The following TSPAN18 variants were observed in gnomAD, a reference collection of about 807,000 sequenced individuals.
TSPAN18 encodes the protein tetraspanin 18.
Under a neutral mutation model 27.3 loss-of-function variants are expected in TSPAN18, and 14 were observed. The ratio of observed to expected loss-of-function variants is 0.51; its 90% CI spans 0.34 to 0.80. The LOEUF (loss-of-function observed/expected upper bound fraction) is 0.80. Ranked by LOEUF, TSPAN18 falls within the 30% of genes least tolerant of loss-of-function variation. The pLI is 0.01. For missense variants in TSPAN18, 268 were observed against 323.9 expected, an observed-to-expected ratio of 0.83 and a Z score of 1.32; for synonymous variants, 143 against 136.5, an observed-to-expected ratio of 1.05 and a Z score of -0.33.
chr11:44,924,478 T>C (rs898973044), intron 8 of TSPAN18, among the ~76,000 whole-genome samples: 11 of 152,136 alleles, frequency 7.2e-5, no homozygotes, highest in African/African-American at 2.7e-4. Context: ...GATACCACTC[T>C]CCTGGGCCAT....
Position 44,929,180 on chromosome 11 carries a change from G to A in TSPAN18, c.*2G>A. 2 of 1,613,584 alleles carry A rather than the reference G, an allele frequency of 1.2e-6. No homozygotes were observed. The highest frequency in any genetic ancestry group is 1.3e-5 in the African/African-American group (1 of 75,042). On this transcript the variant is annotated 3_prime_UTR_variant, in exon 10 of 10. Coordinates refer to ENST00000520358, the MANE Select transcript of TSPAN18 (RefSeq NM_130783.5). ...TGCCTCTTCCGGGGCATCCAGTAGA[G>A]GGTATGGCCTGAAGCCTGAAGACTC...
intron 2 of TSPAN18, among the ~76,000 whole-genome samples, chr11:44,814,457 A>G (rs550977725): frequency 6.6e-6 from 1 of 152,330 alleles, no homozygotes; most frequent in East Asian, 1.9e-4. Flanking sequence ...GAAGGTTTCC[A>G]GCCACATGGT....
At chr11:44,823,609 C>T (rs778009800) in intron 2 of TSPAN18, among the ~76,000 whole-genome samples, 1 of 152,240 alleles carries the variant, frequency 6.6e-6, no homozygotes, top group East Asian at 1.9e-4. Flanking sequence ...GAGGAAAGCA[C>T]ACCAGACTGG....
At chr11:44,830,478 T>C (rs554372406) in intron 2 of TSPAN18, among the ~76,000 whole-genome samples, 4 of 152,346 alleles carry the variant, frequency 2.6e-5, no homozygotes, top group African/African-American at 9.6e-5. Context: ...TGGGCCAGTT[T>C]AGTTGGGCAG....
intron 3 of TSPAN18, among the ~76,000 whole-genome samples, chr11:44,883,891 G>T (rs1858562890): frequency 6.6e-6 from 1 of 152,210 alleles, no homozygotes; most frequent in Non-Finnish European, 1.5e-5. Flanking sequence ...TGTAAAATAG[G>T]CATAATAATT....
intron 1 of TSPAN18, among the ~76,000 whole-genome samples, chr11:44,730,773 G>C (rs913033390): frequency 2.6e-5 from 4 of 152,036 alleles, no homozygotes; most frequent in Non-Finnish European, 5.9e-5. Flanking sequence ...ACAGGTGTGT[G>C]CCACCACACC....
chr11:44,806,041 CT>C (rs34132755), intron 2 of TSPAN18, among the ~76,000 whole-genome samples: 10,235 of 134,446 alleles, frequency 0.076, 849 homozygotes, highest in East Asian at 0.43. Context: ...CTATTTTTTC[CT>C]TTTTTTTTTT....
intron 3 of TSPAN18, among the ~76,000 whole-genome samples, chr11:44,862,492 A>G (rs925396601): frequency 1.3e-5 from 2 of 152,152 alleles, no homozygotes; most frequent in Non-Finnish European, 2.9e-5. Flanking sequence ...ACCCTGCCTT[A>G]TATGGTGAGC....
chr11:44,789,822 G>A (rs538103301), intron 2 of TSPAN18, among the ~76,000 whole-genome samples: 12 of 152,262 alleles, frequency 7.9e-5, no homozygotes, highest in African/African-American at 2.4e-4. Flanking sequence ...TGTTCAAAAT[G>A]TATCTCCAGG....
intron 2 of TSPAN18, among the ~76,000 whole-genome samples, chr11:44,793,990 G>T (rs1486384697): frequency 6.6e-6 from 1 of 152,118 alleles, no homozygotes; most frequent in Non-Finnish European, 1.5e-5. Context: ...GGGGTGGGGG[G>T]AGTTAGGCGA....
chr11:44,895,304 C>G (rs1859002231), intron 3 of TSPAN18, among the ~76,000 whole-genome samples: 2 of 152,212 alleles, frequency 1.3e-5, no homozygotes, highest in Non-Finnish European at 2.9e-5. Flanking sequence ...ATATCTGATG[C>G]TGCTGATAAT....
At chr11:44,854,999 AG>A (rs1224374053) in intron 2 of TSPAN18, among the ~76,000 whole-genome samples, 1 of 152,256 alleles carries the variant, frequency 6.6e-6, no homozygotes, top group Non-Finnish European at 1.5e-5. Flanking sequence ...ATGAGCAATG[AG>A]AACCCAGCTA....
At chr11:44,899,382 T>C (rs1859176094) in intron 3 of TSPAN18, among the ~76,000 whole-genome samples, 2 of 152,344 alleles carry the variant, frequency 1.3e-5, no homozygotes, top group Admixed American at 1.3e-4. Flanking sequence ...GGTGAGAGGT[T>C]GATGTCTGAG....
intron 5 of TSPAN18, among the ~76,000 whole-genome samples, chr11:44,910,942 G>C (rs974126691): frequency 7.9e-5 from 12 of 152,152 alleles, no homozygotes; most frequent in Non-Finnish European, 1.6e-4. Flanking sequence ...TAAACGAGGG[G>C]GCCGACCAGC....
chr11:44,810,618 T>C (rs1856692900), intron 2 of TSPAN18, among the ~76,000 whole-genome samples: 1 of 151,472 alleles, frequency 6.6e-6, no homozygotes, highest in South Asian at 2.1e-4. Context: ...TTTTTTTTTT[T>C]TGAGACAGGG....
Position 44,919,236 on chromosome 11 carries a change from A to G in TSPAN18, c.356A>G (p.Lys119Arg). Residue 119 changes from lysine (K) to arginine (R), a missense_variant, in exon 7 of 10, where the codon AAG becomes AGG. Coordinates refer to ENST00000520358, the MANE Select transcript of TSPAN18 (RefSeq NM_130783.5). ...CAGCTCACCCGAGAATTCTTCACCAAGGAGCTCACCAAGCACTACCAGGGC... is the reference window on the plus strand; with the variant it reads ...CAGCTCACCCGAGAATTCTTCACCAGGGAGCTCACCAAGCACTACCAGGGC... Reference protein sequence around the residue: ...RENLTREFFTKELTKHYQGNN... With the variant: ...RENLTREFFTRELTKHYQGNN... The G allele has an allele frequency of 1.9e-6, 3 of 1,614,090 alleles. No individual in the cohort carries two copies. Among genetic ancestry groups the G allele is most frequent in the South Asian group, 2.2e-5 (2 of 91,082 alleles).
intron 1 of TSPAN18, among the ~76,000 whole-genome samples, chr11:44,749,185 A>G (rs548056125): frequency 6.6e-6 from 1 of 152,354 alleles, no homozygotes; most frequent in East Asian, 1.9e-4. Context: ...GAAAGGCTTG[A>G]GTTTTAATCT....
chr11:44,800,390 CACTT>C (rs1424658549), intron 2 of TSPAN18, among the ~76,000 whole-genome samples: 1 of 152,156 alleles, frequency 6.6e-6, no homozygotes. Context: ...TCTTCTGCCT[CACTT>C]ACATCTCAAC....
intron 2 of TSPAN18, among the ~76,000 whole-genome samples, chr11:44,793,952 A>AT (rs1202412538): frequency 6.7e-6 from 1 of 149,026 alleles, no homozygotes; most frequent in Non-Finnish European, 1.5e-5. Context: ...AGCCGCCTGT[A>AT]TTTTTTTCTG....
Sources: allele counts gnomAD v4.1 joint callset (sites outside exome capture counted in the v4.1 genomes callset), GRCh38; gene constraint gnomAD v4.1.1; transcripts MANE v1.5; gene names NCBI Gene and HGNC (gene_info 2026-07-23, HGNC 2026-07-21).